Variants in RPH3A observed in about 807,000 individuals in gnomAD.
RPH3A encodes the protein rabphilin-3A.
RPH3A carries 48 observed loss-of-function variants against 102.2 expected under a neutral mutation model. The ratio of observed to expected loss-of-function variants is 0.47; its 90% CI spans 0.37 to 0.60. The LOEUF (loss-of-function observed/expected upper bound fraction) is 0.60, where lower values mean the gene tolerates loss of function less well. Among genes scored for constraint, RPH3A ranks in the 20% least tolerant of loss-of-function variants. The pLI, the probability that RPH3A is intolerant of heterozygous loss-of-function variation, is 0.00. For missense variants in RPH3A, 781 were observed against 910.1 expected, an observed-to-expected ratio of 0.86 and a Z score of 1.83; for synonymous variants, 310 against 324.3, an observed-to-expected ratio of 0.96 and a Z score of 0.47.
At chr12:112,747,912 G>C (rs1343653653) in intron 1 of RPH3A, among the ~76,000 whole-genome samples, 1 of 152,210 alleles carries the variant, frequency 6.6e-6, no homozygotes, top group Non-Finnish European at 1.5e-5. Context: ...ACGCCTGGCA[G>C]CCAGGAGCCC....
intron 2 of RPH3A, among the ~76,000 whole-genome samples, chr12:112,826,666 T>C (rs2041879819): frequency 6.6e-6 from 1 of 152,216 alleles, no homozygotes; most frequent in Non-Finnish European, 1.5e-5. Context: ...TCTTAACTCT[T>C]GTGTCAATAT....
chr12:112,663,060 G>GTGTGTA, intron 1 of RPH3A, among the ~76,000 whole-genome samples: 1 of 3,366 alleles, frequency 3.0e-4, no homozygotes, highest in Non-Finnish European at 4.3e-4. Context: ...TAAGTGATTG[G>GTGTGTA]TGTGTGTGTG....
At position 112,724,076 on chromosome 12, in the gene RPH3A, G is replaced by T. The variant is rs1298039409; in HGVS notation, c.-139-68067G>T. ...GATTTTTTTTTTTTTTTTTTTTGGAGACAGGATCTATCTAGCTCTGTCATC... is the reference window on the plus strand; with the variant it reads ...GATTTTTTTTTTTTTTTTTTTTGGATACAGGATCTATCTAGCTCTGTCATC... On this transcript the variant is annotated intron_variant, in intron 1 of 21. Transcript: ENST00000543106. 2.1e-4 allele frequency among the ~76,000 whole-genome samples: 26 copies of T among 123,838 alleles called. 1 individual carries two copies. The Admixed American group carries it at 2.4e-3, about 11-fold the overall frequency. The allele number at this position is 123,838 out of a possible 152,430, so 81.2% of individuals were successfully genotyped here. A position where few individuals can be genotyped will look rare whatever the true frequency, so the allele number is the denominator to read the frequency against.
intron 1 of RPH3A, among the ~76,000 whole-genome samples, chr12:112,679,103 T>A (rs377577798): frequency 1.3e-5 from 2 of 152,120 alleles, no homozygotes; most frequent in South Asian, 2.1e-4. Context: ...GAAGACAGAG[T>A]TTGTGGGAAG....
At chr12:112,755,762 T>C (rs1199403689) in intron 1 of RPH3A, among the ~76,000 whole-genome samples, 1 of 152,130 alleles carries the variant, frequency 6.6e-6, no homozygotes, top group Admixed American at 6.6e-5. Context: ...TCCTATCTAG[T>C]TGCTATCAGC....
At chr12:112,810,620 C>G (rs1016713865) in intron 2 of RPH3A, among the ~76,000 whole-genome samples, 1 of 152,286 alleles carries the variant, frequency 6.6e-6, no homozygotes, top group East Asian at 1.9e-4. Flanking sequence ...CGAAATGTAC[C>G]GTTAGTTTCT....
intron 1 of RPH3A, among the ~76,000 whole-genome samples, chr12:112,677,431 T>C (rs1357808422): frequency 4.0e-5 from 4 of 99,694 alleles, no homozygotes; most frequent in Admixed American, 2.1e-4. Flanking sequence ...CCTTCCTTCC[T>C]TCCTTCCTTC....
At chr12:112,773,856 G>A (rs1357867763) in intron 1 of RPH3A, among the ~76,000 whole-genome samples, 2 of 151,902 alleles carry the variant, frequency 1.3e-5, no homozygotes, top group Admixed American at 1.3e-4. Context: ...CGAGGCAGGC[G>A]GATCACCTGA....
intron 1 of RPH3A, among the ~76,000 whole-genome samples, chr12:112,740,890 A>G (rs761712788): frequency 6.6e-6 from 1 of 152,198 alleles, no homozygotes; most frequent in Non-Finnish European, 1.5e-5. Context: ...TTTTAAAATC[A>G]GAATCAAAAT....
upstream of RPH3A, among the ~76,000 whole-genome samples, chr12:112,789,051 G>T (rs528359356): frequency 7.2e-5 from 11 of 152,296 alleles, no homozygotes; most frequent in East Asian, 1.9e-3. Flanking sequence ...CCAGCTATTT[G>T]CATGGTTGAG....
chr12:112,854,369 G>A (rs755683416), intron 5 of RPH3A, among the ~76,000 whole-genome samples: 15 of 152,208 alleles, frequency 9.9e-5, no homozygotes, highest in Non-Finnish European at 1.6e-4. Flanking sequence ...TAATCACAAC[G>A]GACAACTCTT....
At chr12:112,656,381 C>A (rs1296798560) in intron 1 of RPH3A, among the ~76,000 whole-genome samples, 1 of 152,190 alleles carries the variant, frequency 6.6e-6, no homozygotes, top group Non-Finnish European at 1.5e-5. Context: ...CACCCCAAGC[C>A]TAAGCAAGGT....
intron 1 of RPH3A, among the ~76,000 whole-genome samples, chr12:112,736,570 A>C (rs2040670840): frequency 6.6e-6 from 1 of 152,248 alleles, no homozygotes; most frequent in Non-Finnish European, 1.5e-5. Flanking sequence ...GTGCTATTTC[A>C]TAAAGCCAAG....
chr12:112,587,063 G>C (rs1056198011), intron 1 of RPH3A, among the ~76,000 whole-genome samples: 7 of 152,176 alleles, frequency 4.6e-5, no homozygotes, highest in Non-Finnish European at 8.8e-5. Context: ...ATTGGGTTTT[G>C]ATGAAGAAGA....
chr12:112,782,580 G>A (rs906104155), intron 1 of RPH3A, among the ~76,000 whole-genome samples: 2 of 152,244 alleles, frequency 1.3e-5, no homozygotes, highest in South Asian at 2.1e-4. Context: ...ATAGATGAGT[G>A]ACTGACCAGG....
chr12:112,876,531 C>G (rs111322884), intron 12 of RPH3A, 111 bp from the exon 13 acceptor site: 453 of 745,104 alleles, frequency 6.1e-4, no homozygotes, highest in Non-Finnish European at 9.0e-4. Context: ...CACTGCATAT[C>G]CACTGATTCC....
At chr12:112,847,915 T>A in intron 5 of RPH3A, 73 bp downstream of exon 5, 1 of 1,548,032 alleles carries the variant, frequency 6.5e-7, no homozygotes, top group Non-Finnish European at 8.8e-7. Context: ...AGCAGGGCTT[T>A]GGCCTCAAAC....
chr12:112,755,035 C>T (rs1162619031), intron 1 of RPH3A, among the ~76,000 whole-genome samples: 4 of 152,178 alleles, frequency 2.6e-5, no homozygotes, highest in Non-Finnish European at 2.9e-5. Context: ...TGCTTATTGA[C>T]AACTTTATCC....
Position 112,866,753 on chromosome 12 carries a change from A to C in RPH3A, c.361-4A>C. 6.2e-7 allele frequency: 1 copy of C among 1,607,928 alleles called. No homozygotes were observed. Among genetic ancestry groups the C allele is most frequent in the Non-Finnish European group, 8.5e-7 (1 of 1,176,212 alleles). On this transcript the variant is annotated splice_region_variant and splice_polypyrimidine_tract_variant and intron_variant, in intron 6 of 21. Coordinates refer to ENST00000389385, the MANE Select transcript of RPH3A (RefSeq NM_001143854.2). ...TGAGTGTGTTGGCTGTGTTTCATCC[A>C]CAGAACGTCTGCACCAAGTGCGGAG...
Sources: allele counts gnomAD v4.1 joint callset (sites outside exome capture counted in the v4.1 genomes callset), GRCh38; gene constraint gnomAD v4.1.1; transcripts MANE v1.5; gene names NCBI Gene and HGNC (gene_info 2026-07-23, HGNC 2026-07-21).